Variants in SELP observed in about 807,000 individuals in gnomAD.
SELP encodes the protein P-selectin.
SELP carries 92 observed loss-of-function variants against 104.1 expected under a neutral mutation model. The observed-to-expected ratio is 0.88, with a 90% CI of 0.75 to 1.05. The LOEUF (loss-of-function observed/expected upper bound fraction) is 1.05, where lower values mean the gene tolerates loss of function less well. Among genes scored for constraint, SELP ranks in the 50% least tolerant of loss-of-function variants. SELP has a pLI of 0.00. For synonymous variants in SELP, 397 were observed against 364.5 expected, an observed-to-expected ratio of 1.09 and a Z score of -1.01; for missense variants, 1,022 against 1,017.3, an observed-to-expected ratio of 1.00 and a Z score of -0.06.
At chr1:169,607,267 AAG>A in intron 8 of SELP, 133 bp from the exon 9 acceptor site, 2 of 649,302 alleles carry the variant, frequency 3.1e-6, no homozygotes, top group Non-Finnish European at 4.7e-6. Context: ...AGATAAGAAA[AAG>A]TGTCATTTAA....
At chr1:169,619,077 G>C in intron 2 of SELP, 52 bp downstream of exon 2, 2 of 1,413,910 alleles carry the variant, frequency 1.4e-6, no homozygotes, top group Non-Finnish European at 2.0e-6. Context: ...ACATAGATCT[G>C]GGCTCTACCC....
chr1:169,603,014 C>A lies in SELP; in HGVS notation c.1705+12G>T. On this transcript the variant is annotated intron_variant, in intron 10 of 16. Transcript: ENST00000263686. ...CTTTAAAGCCATAAGAAAGGACAGA[C>A]CCACAGCCTACCTTCACACATTGGT... 3.1e-6 allele frequency: 5 copies of A among 1,604,748 alleles called. No homozygotes were observed. The highest frequency in any genetic ancestry group is 4.3e-6 in the Non-Finnish European group (5 of 1,173,030).
intron 10 of SELP, among the ~76,000 whole-genome samples, chr1:169,600,132 G>A (rs1028256367): frequency 6.6e-6 from 1 of 152,148 alleles, no homozygotes; most frequent in Non-Finnish European, 1.5e-5. Flanking sequence ...AGGTCCTGAA[G>A]GGCAAAGGCA....
intron 14 of SELP, 58 bp downstream of exon 14, chr1:169,593,547 A>G: frequency 6.5e-7 from 1 of 1,535,272 alleles, no homozygotes; most frequent in Admixed American, 1.8e-5. Flanking sequence ...AATTACATAA[A>G]TCAATTTCTT....
chr1:169,607,400 T>C (rs1662257068), intron 8 of SELP, among the ~76,000 whole-genome samples: 1 of 152,186 alleles, frequency 6.6e-6, no homozygotes, highest in Non-Finnish European at 1.5e-5. Flanking sequence ...ATGCTAAGTA[T>C]GTAATCAAGA....
At chr1:169,594,286 A>G (rs1342218011) in intron 13 of SELP, among the ~76,000 whole-genome samples, 1 of 152,214 alleles carries the variant, frequency 6.6e-6, no homozygotes, top group Admixed American at 6.5e-5. Flanking sequence ...TACCTTGCAA[A>G]CAGATGGAAT....
At chr1:169,604,678 G>A (rs1662094736) in intron 9 of SELP, among the ~76,000 whole-genome samples, 1 of 152,080 alleles carries the variant, frequency 6.6e-6, no homozygotes. Flanking sequence ...TCTTCTAGTT[G>A]AAAAGTATTT....
At position 169,617,054 on chromosome 1, in the gene SELP, T is replaced by A; in HGVS notation, c.455A>T (p.Lys152Met). ...TGTGTAACACAATGCGTGCTTTTTC[T>A]TCAAGCAGTGCTCATCATTCCACTT... ...PGKWNDEHCL[K>M]KKHALCYTAS... Residue 152 changes from lysine to methionine, a missense_variant, in exon 3 of 17, where the codon AAG (lysine) becomes ATG (methionine). Coordinates refer to ENST00000263686, the MANE Select transcript of SELP (RefSeq NM_003005.4). 6.2e-7 allele frequency: 1 copy of A among 1,612,872 alleles called. No homozygotes were observed. Among genetic ancestry groups the A allele is most frequent in the Non-Finnish European group, 8.5e-7 (1 of 1,179,294 alleles).
At chr1:169,620,949 CTGTGTGTGTG>C (rs57455285) in intron 1 of SELP, among the ~76,000 whole-genome samples, 2,387 of 77,020 alleles carry the variant, frequency 0.031, 89 homozygotes, top group African/African-American at 0.12. Context: ...GTGTGGGGTT[CTGTGTGTGTG>C]TGTGTGTGTG....
intron 1 of SELP, among the ~76,000 whole-genome samples, chr1:169,621,245 GTT>G (rs1491186564): frequency 1.3e-5 from 2 of 148,948 alleles, no homozygotes; most frequent in African/African-American, 5.0e-5. Flanking sequence ...GTGTGTGTGT[GTT>G]TGTGTCACAC....
At chr1:169,591,136 T>C (rs1160718270) in intron 15 of SELP, among the ~76,000 whole-genome samples, 1 of 152,170 alleles carries the variant, frequency 6.6e-6, no homozygotes, top group East Asian at 1.9e-4. Flanking sequence ...GCTTTCCTAG[T>C]GATTCTGTGG....
At position 169,609,378 on chromosome 1, in the gene SELP, A is replaced by C. The variant is rs1364598115; in HGVS notation, c.1333+126T>G. 7 of 917,412 alleles carry C rather than the reference A, an allele frequency of 7.6e-6. No homozygotes were observed. The Admixed American group carries it at 2.0e-4, about 26-fold the overall frequency. 56.8% of individuals were successfully genotyped at this position (917,412 alleles called of 1,614,324 possible). ...ATCTCATCCCTGGTCCCAAGCACAA[A>C]GGACATGGCCCATAGTAGGTTCTCA... On this transcript the variant is annotated intron_variant, in intron 8 of 16. Coordinates refer to ENST00000263686, the MANE Select transcript of SELP (RefSeq NM_003005.4).
intron 1 of SELP, among the ~76,000 whole-genome samples, chr1:169,623,343 G>T (rs1663226899): frequency 6.6e-6 from 1 of 151,928 alleles, no homozygotes; most frequent in African/African-American, 2.4e-5. Context: ...AGTCGGTGAG[G>T]CTCCCAGTCT....
chr1:169,610,814 AC>A (rs759060608), intron 7 of SELP, among the ~76,000 whole-genome samples: 13 of 151,572 alleles, frequency 8.6e-5, no homozygotes, highest in Non-Finnish European at 1.5e-4. Flanking sequence ...AAACAAACAA[AC>A]AAAAACACCA....
At chr1:169,596,264 A>G in intron 11 of SELP, 130 bp from the exon 12 acceptor site, 1 of 777,176 alleles carries the variant, frequency 1.3e-6, no homozygotes, top group Non-Finnish European at 2.1e-6. Context: ...GAGCTATTTA[A>G]GGAAGTTAAG....
chr1:169,623,858 C>T (rs542617340), intron 1 of SELP, among the ~76,000 whole-genome samples: 1 of 152,330 alleles, frequency 6.6e-6, no homozygotes, highest in East Asian at 1.9e-4. Flanking sequence ...ACCACTGAGA[C>T]TCAGTGAGCG....
chr1:169,610,766 G>A (rs1184295457), intron 7 of SELP, among the ~76,000 whole-genome samples: 1 of 151,946 alleles, frequency 6.6e-6, no homozygotes, highest in African/African-American at 2.4e-5. Context: ...GCGACAGAGT[G>A]AGACTCTGTC....
chr1:169,589,238 T>C lies in SELP; in HGVS notation c.*225A>G, dbSNP rs1661229453. On this transcript the variant is annotated 3_prime_UTR_variant, in exon 17 of 17. Coordinates refer to ENST00000263686, the MANE Select transcript of SELP (RefSeq NM_003005.4). ...ACTGGTATTTCAAGTAACAGGTGAG[T>C]CAAAGCACAGAGACTACTGCAGAAA... is the stretch of plus-strand genomic sequence containing the variant. 1 of 152,134 alleles carries C rather than the reference T, an allele frequency of 6.6e-6. No individual in the cohort carries two copies. Among genetic ancestry groups the C allele is most frequent in the African/African-American group, 2.4e-5 (1 of 41,396 alleles). 9.4% of individuals were successfully genotyped at this position (152,134 alleles called of 1,614,324 possible). A position where few individuals can be genotyped will look rare whatever the true frequency, so the allele number is the denominator to read the frequency against.
Position 169,613,585 on chromosome 1 carries a change from C to T in SELP, c.589+1G>A, listed in dbSNP as rs1662656223. On this transcript the variant is annotated splice_donor_variant, in intron 4 of 16. Transcript: ENST00000263686. LOFTEE classifies it high-confidence loss of function. ...TAATATCAACAAAAAGGAAGCCTCA[C>T]CGTATTCACATTCTGGCCCATAGAA... 1 of 1,611,118 alleles carries T rather than the reference C, an allele frequency of 6.2e-7. No homozygotes were observed. Among genetic ancestry groups the T allele is most frequent in the African/African-American group, 1.3e-5 (1 of 74,972 alleles).
Sources: gnomAD v4.1 joint callset for allele counts (sites outside exome capture counted in the v4.1 genomes callset) on GRCh38, gnomAD v4.1.1 for gene constraint, MANE v1.5 for transcripts, NCBI Gene and HGNC (gene_info 2026-07-23, HGNC 2026-07-21) for gene names.